PTPRT: variants seen among roughly 807,000 people sequenced by gnomAD.
PTPRT encodes protein tyrosine phosphatase receptor type T.
PTPRT carries 56 observed loss-of-function variants against 176.8 expected under a neutral mutation model. That is an observed-to-expected ratio of 0.32 (90% confidence interval 0.26 to 0.40). PTPRT has a LOEUF of 0.40. Ranked by LOEUF, PTPRT falls within the 10% of genes least tolerant of loss-of-function variation. The pLI is 1.00. For synonymous variants in PTPRT, 783 were observed against 739.0 expected, an observed-to-expected ratio of 1.06 and a Z score of -0.96; for missense variants, 1,540 against 1,908.2, an observed-to-expected ratio of 0.81 and a Z score of 3.60.
rs759272701 is a variant in PTPRT at position 42,352,250 on chromosome 20, A to C, written c.1596T>G (p.Ser532Arg). ...TCCCCCTCTGGCTCGAGAGGTCAGCACTTGGGTCCAGCGAGCCGACAGCCT... is the reference window on the plus strand; with the variant it reads ...TCCCCCTCTGGCTCGAGAGGTCAGCCCTTGGGTCCAGCGAGCCGACAGCCT... ...NYKAVGSLDP[S>R]ADLSSQRGKV... Residue 532 changes from serine (S) to arginine (R), a missense_variant, in exon 10 of 31, where the codon AGT becomes AGG. Physicochemically the swap from Ser to Arg is moderately radical, Grantham distance 110 (BLOSUM62 -1). Around this residue, in one of 11 missense-constraint regions of PTPRT, gnomAD observed 136 missense variants for 135.0 expected, o/e 1.01. Coordinates refer to ENST00000373187, the MANE Select transcript of PTPRT (RefSeq NM_007050.6). The C allele has an allele frequency of 6.2e-7, 1 of 1,614,140 alleles. No homozygotes were observed. Among genetic ancestry groups the C allele is most frequent in the Admixed American group, 1.7e-5 (1 of 60,018 alleles).
At chr20:42,777,567 G>A (rs991976516) in intron 4 of PTPRT, among the ~76,000 whole-genome samples, 1 of 152,154 alleles carries the variant, frequency 6.6e-6, no homozygotes, top group Non-Finnish European at 1.5e-5. Flanking sequence ...ATTAGTTACT[G>A]ATTTAGTGCC....
At chr20:42,298,660 C>A (rs1301680011) in intron 12 of PTPRT, among the ~76,000 whole-genome samples, 1 of 152,164 alleles carries the variant, frequency 6.6e-6, no homozygotes, top group African/African-American at 2.4e-5. Context: ...CGGTGGCTCA[C>A]GCCTGTAATC....
chr20:42,795,184 T>TA (rs11477579), intron 2 of PTPRT, among the ~76,000 whole-genome samples: 4,203 of 149,040 alleles, frequency 0.028, 206 homozygotes, highest in African/African-American at 0.096. Context: ...CCTTCTCCCT[T>TA]AAAAAAAAAA....
Position 42,612,035 on chromosome 20 carries a change from G to A in PTPRT, c.1153+65831C>T, listed in dbSNP as rs565171351. Reference sequence around the variant, plus strand: ...CCCATGCTGACATGGGCCCTTGGTCGTGAGTTGCATCATTCAGCCTCCTGC... The same window carrying A: ...CCCATGCTGACATGGGCCCTTGGTCATGAGTTGCATCATTCAGCCTCCTGC... On this transcript the variant is annotated intron_variant, in intron 7 of 30. Transcript: ENST00000373187. Among the ~76,000 whole-genome samples the A allele has an allele frequency of 5.9e-5, 9 of 152,172 alleles. No individual in the cohort carries two copies. The East Asian group carries it at 9.7e-4, about 16-fold the overall frequency.
At chr20:42,426,478 C>T (rs1352020468) in intron 9 of PTPRT, among the ~76,000 whole-genome samples, 1 of 152,150 alleles carries the variant, frequency 6.6e-6, no homozygotes, top group Non-Finnish European at 1.5e-5. Flanking sequence ...ACAATAAGAC[C>T]CCCACATTTA....
At chr20:43,041,357 T>C (rs559298223) in intron 1 of PTPRT, among the ~76,000 whole-genome samples, 1 of 152,390 alleles carries the variant, frequency 6.6e-6, no homozygotes, top group Non-Finnish European at 1.5e-5. Flanking sequence ...AATGTTGTTA[T>C]AATTAGCTTT....
At chr20:42,106,331 GAA>G (rs1189688608) in intron 24 of PTPRT, among the ~76,000 whole-genome samples, 32 of 152,192 alleles carry the variant, frequency 2.1e-4, no homozygotes, top group Non-Finnish European at 8.8e-5. Flanking sequence ...TACATCTCTT[GAA>G]ATGCCCAGCA....
At chr20:42,852,335 G>T (rs1240661281) in intron 2 of PTPRT, among the ~76,000 whole-genome samples, 1 of 152,082 alleles carries the variant, frequency 6.6e-6, no homozygotes, top group South Asian at 2.1e-4. Flanking sequence ...TTTTCATGTT[G>T]TTCCTGCATT....
At chr20:42,622,546 A>C (rs775411851) in intron 7 of PTPRT, among the ~76,000 whole-genome samples, 3 of 152,104 alleles carry the variant, frequency 2.0e-5, no homozygotes, top group Non-Finnish European at 2.9e-5. Context: ...GGCCAGACTT[A>C]AATTTTAAGG....
At chr20:42,383,796 C>A (rs147931436) in intron 9 of PTPRT, among the ~76,000 whole-genome samples, 105 of 152,264 alleles carry the variant, frequency 6.9e-4, no homozygotes, top group African/African-American at 2.4e-3. Flanking sequence ...TAGCTACAGA[C>A]CCACACCTCA....
intron 14 of PTPRT, among the ~76,000 whole-genome samples, chr20:42,244,730 C>A (rs73120003): frequency 3.3e-4 from 50 of 152,308 alleles, no homozygotes; most frequent in Non-Finnish European, 5.6e-4. Context: ...TGTGCGCATA[C>A]ATATAATTTC....
intron 7 of PTPRT, among the ~76,000 whole-genome samples, chr20:42,489,008 T>TTGTGTGTG (rs56267962): frequency 1.5e-5 from 2 of 131,208 alleles, no homozygotes; most frequent in African/African-American, 2.8e-5. Flanking sequence ...TCAACCAAGT[T>TTGTGTGTG]TGTGTGTGTG....
At chr20:43,159,543 G>C (rs1019040596) in intron 1 of PTPRT, among the ~76,000 whole-genome samples, 1 of 152,192 alleles carries the variant, frequency 6.6e-6, no homozygotes, top group Non-Finnish European at 1.5e-5. Context: ...CTGCCACATG[G>C]AATTTCAATT....
intron 1 of PTPRT, among the ~76,000 whole-genome samples, chr20:42,967,916 G>C (rs1982395556): frequency 6.6e-6 from 1 of 152,126 alleles, no homozygotes; most frequent in Non-Finnish European, 1.5e-5. Flanking sequence ...CCCAATGAGG[G>C]ACATCAGGAT....
In PTPRT at chr20:42,645,424, A is replaced by G. The variant is rs529062352; in HGVS notation, c.1153+32442T>C. Among the ~76,000 whole-genome samples the G allele has an allele frequency of 3.9e-5, 6 of 152,310 alleles. No individual in the cohort carries two copies. In the East Asian group the frequency reaches 9.7e-4, roughly 25 times the overall value. On this transcript the variant is annotated intron_variant, in intron 7 of 30. Coordinates refer to ENST00000373187, the MANE Select transcript of PTPRT (RefSeq NM_007050.6). ...CAGTGGGGATGAACCACAGTTGGCC[A>G]CAATGGTAACCTGCCCATTAACACA... is the stretch of plus-strand genomic sequence containing the variant.
At position 42,169,466 on chromosome 20, in the gene PTPRT, C is replaced by T. The variant is rs563148886; in HGVS notation, c.2492-7924G>A. On this transcript the variant is annotated intron_variant, in intron 16 of 30. Coordinates refer to ENST00000373187, the MANE Select transcript of PTPRT (RefSeq NM_007050.6). ...TCCATTGCTCCTCTTGCTTAAACCACTGCCAGAATTTGGGAGGAATATTGA... is the reference window on the plus strand; with the variant it reads ...TCCATTGCTCCTCTTGCTTAAACCATTGCCAGAATTTGGGAGGAATATTGA... 2.1e-4 allele frequency among the ~76,000 whole-genome samples: 32 copies of T among 152,108 alleles called. No homozygotes were observed. In the South Asian group the frequency reaches 6.7e-3, roughly 32 times the overall value.
chr20:42,691,427 A>G (rs955382356), intron 6 of PTPRT, among the ~76,000 whole-genome samples: 2 of 152,168 alleles, frequency 1.3e-5, no homozygotes. Context: ...CCCTATGTGC[A>G]AGGGGGGAGA....
At chr20:42,202,530 A>G (rs1316434421) in intron 15 of PTPRT, among the ~76,000 whole-genome samples, 1 of 152,220 alleles carries the variant, frequency 6.6e-6, no homozygotes, top group African/African-American at 2.4e-5. Flanking sequence ...ATGCCAACGA[A>G]AGAAAAATGA....
chr20:42,095,428 G>T (rs977611577), intron 27 of PTPRT, among the ~76,000 whole-genome samples: 2 of 152,108 alleles, frequency 1.3e-5, no homozygotes, highest in Non-Finnish European at 2.9e-5. Context: ...AGGGCACCAG[G>T]TGCATGCCTA....
Sources: allele counts gnomAD v4.1 joint callset (sites outside exome capture counted in the v4.1 genomes callset), GRCh38; gene constraint gnomAD v4.1.1; regional missense constraint gnomAD v4.1.1; transcripts MANE v1.5; gene names NCBI Gene and HGNC (gene_info 2026-07-23, HGNC 2026-07-21).